ZNF141: variants seen among roughly 807,000 people sequenced by gnomAD.
The protein encoded by ZNF141 is zinc finger protein 141 (clone pHZ-44).
Under a neutral mutation model 11.3 loss-of-function variants are expected in ZNF141, and 7 were observed. The ratio of observed to expected loss-of-function variants is 0.62; its 90% CI spans 0.35 to 1.16. ZNF141 has a LOEUF of 1.16. Among genes scored for constraint, ZNF141 ranks in the 50% most tolerant of loss-of-function variants. ZNF141 has a pLI of 0.02. For missense variants in ZNF141, 535 were observed against 554.0 expected, an observed-to-expected ratio of 0.97 and a Z score of 0.34; for synonymous variants, 183 against 190.7, an observed-to-expected ratio of 0.96 and a Z score of 0.33.
At chr4:361,402 T>TA (rs1560192512) in intron 3 of ZNF141, among the ~76,000 whole-genome samples, 1 of 151,544 alleles carries the variant, frequency 6.6e-6, no homozygotes, top group East Asian at 1.9e-4. Flanking sequence ...TTTTTTTTTT[T>TA]AAGTTCTAGG....
Position 383,458 on chromosome 4 carries a change from G to C in ZNF141, c.*9596G>C, listed in dbSNP as rs1457194089. The C allele has an allele frequency of 6.2e-5, 20 of 324,054 alleles. No individual in the cohort carries two copies. Among genetic ancestry groups the C allele is most frequent in the Non-Finnish European group, 2.8e-5 (5 of 179,506 alleles). 20.1% of individuals were successfully genotyped at this position (324,054 alleles called of 1,614,324 possible). A position where few individuals can be genotyped will look rare whatever the true frequency, so the allele number is the denominator to read the frequency against. On this transcript the variant is annotated 3_prime_UTR_variant, in exon 4 of 4. Coordinates refer to ENST00000240499, the MANE Select transcript of ZNF141 (RefSeq NM_003441.4). The stretch of plus-strand genomic sequence containing the variant: ...GATTTTCTTTTTTCCTTTATTTAAA[G>C]TTAGATTTGTTGTAAGATGATATTG...
At chr4:368,104 T>C (rs1186109664) in intron 3 of ZNF141, among the ~76,000 whole-genome samples, 2 of 152,234 alleles carry the variant, frequency 1.3e-5, no homozygotes, top group Non-Finnish European at 2.9e-5. Context: ...ATATATCTCA[T>C]GTAAGTTGAC....
In ZNF141 at chr4:380,484, T is replaced by G. The variant is rs782755644; in HGVS notation, c.*6622T>G. On this transcript the variant is annotated 3_prime_UTR_variant, in exon 4 of 4. Transcript: ENST00000240499. ...CTGGCCAACATGGTGAAACCCCGTC[T>G]CTACTACAAATATAAAAATTAGCTG... Among the ~76,000 whole-genome samples, 2 of 152,098 alleles carry G rather than the reference T, an allele frequency of 1.3e-5. No individual in the cohort carries two copies. Among genetic ancestry groups the G allele is most frequent in the Middle Eastern group, 6.8e-3 (2 of 294 alleles).
At chr4:356,770 T>C (rs1721859381) in intron 3 of ZNF141, among the ~76,000 whole-genome samples, 2 of 152,214 alleles carry the variant, frequency 1.3e-5, no homozygotes, top group Non-Finnish European at 2.9e-5. Context: ...ATTTTATTCA[T>C]TGTTTACTGA....
chr4:357,156 G>T (rs1448566068), intron 3 of ZNF141, among the ~76,000 whole-genome samples: 2 of 152,030 alleles, frequency 1.3e-5, no homozygotes, highest in African/African-American at 4.8e-5. Context: ...ACGGGGTTTT[G>T]CCATGTTGCT....
intron 3 of ZNF141, among the ~76,000 whole-genome samples, chr4:371,920 A>G (rs1197855950): frequency 2.6e-5 from 4 of 152,216 alleles, no homozygotes; most frequent in Non-Finnish European, 5.9e-5. Context: ...TGTTATTTGT[A>G]CATTAACAAA....
Position 378,727 on chromosome 4 carries a change from T to G in ZNF141, c.*4865T>G, listed in dbSNP as rs1242492312. Among the ~76,000 whole-genome samples the G allele has an allele frequency of 6.6e-6, 1 of 152,080 alleles. No homozygotes were observed. Among genetic ancestry groups the G allele is most frequent in the African/African-American group, 2.4e-5 (1 of 41,400 alleles). The stretch of plus-strand genomic sequence containing the variant: ...GTTTTAGTGGATGCATTTCATGGGC[T>G]ACAGTTTTCATTTTTACTCACCTAA... On this transcript the variant is annotated 3_prime_UTR_variant, in exon 4 of 4. Transcript: ENST00000240499.
chr4:346,858 CATGTATGTATATAT>C (rs1721341911), intron 3 of ZNF141, among the ~76,000 whole-genome samples: 4 of 143,514 alleles, frequency 2.8e-5, no homozygotes, highest in Non-Finnish European at 6.0e-5. Flanking sequence ...TATGTATATA[CATGTATGTATATAT>C]ATGTATACAC....
In ZNF141 at chr4:383,462, G is replaced by T; in HGVS notation, c.*9600G>T. ...TTCTTTTTTCCTTTATTTAAAGTTA[G>T]ATTTGTTGTAAGATGATATTGAGTT... is the stretch of plus-strand genomic sequence containing the variant. On this transcript the variant is annotated 3_prime_UTR_variant, in exon 4 of 4. Coordinates refer to ENST00000240499, the MANE Select transcript of ZNF141 (RefSeq NM_003441.4). 1 of 320,002 alleles carries T rather than the reference G, an allele frequency of 3.1e-6. No homozygotes were observed. The highest frequency in any genetic ancestry group is 5.7e-6 in the Non-Finnish European group (1 of 176,808). 19.8% of individuals were successfully genotyped at this position (320,002 alleles called of 1,614,324 possible).
At chr4:361,754 C>A (rs191379919) in intron 3 of ZNF141, among the ~76,000 whole-genome samples, 1 of 152,266 alleles carries the variant, frequency 6.6e-6, no homozygotes, top group Non-Finnish European at 1.5e-5. Context: ...ATATGTGCCA[C>A]GTTTTCTTAA....
chr4:378,862 T>TTTTTTTG lies in ZNF141; in HGVS notation c.*5000_*5001insTTTTTTG. Among the ~76,000 whole-genome samples, 1 of 122,690 alleles carries TTTTTTTG rather than the reference T, an allele frequency of 8.2e-6. No homozygotes were observed. The highest frequency in any genetic ancestry group is 1.7e-5 in the Non-Finnish European group (1 of 58,080). 80.5% of individuals were successfully genotyped at this position (122,690 alleles called of 152,430 possible). ...TTTTTTTTTTTTTTTTTTTTTTTTT[T>TTTTTTTG]GAGATGGAGTCTTGCTCTGTCACCC... On this transcript the variant is annotated 3_prime_UTR_variant, in exon 4 of 4. Transcript: ENST00000240499.
Position 373,080 on chromosome 4 carries a change from A to G in ZNF141, c.643A>G (p.Asn215Asp), listed in dbSNP as rs1266311171. Residue 215 changes from asparagine (N) to aspartate (D), a missense_variant, in exon 4 of 4, where the codon AAT becomes GAT. Asn to Asp is a conservative substitution (Grantham distance 23). Transcript: ENST00000240499. Reference protein sequence around the residue: ...GKAFKWSLIFNEHKRIHTGEK... With the variant: ...GKAFKWSLIFDEHKRIHTGEK... ...AGCCTTTAAATGGTCTTTAATATTT[A>G]ATGAACATAAGAGAATTCATACTGG... The G allele has an allele frequency of 1.2e-6, 2 of 1,613,718 alleles. No homozygotes were observed. The highest frequency in any genetic ancestry group is 1.3e-5 in the African/African-American group (1 of 74,918).
chr4:361,304 T>A (rs920464831), intron 3 of ZNF141, among the ~76,000 whole-genome samples: 6 of 126,262 alleles, frequency 4.8e-5, no homozygotes, highest in African/African-American at 2.0e-4. Flanking sequence ...TCACTATAAT[T>A]ATATAATGTC....
intron 3 of ZNF141, among the ~76,000 whole-genome samples, chr4:348,324 G>A (rs73217600): frequency 0.14 from 22,024 of 151,972 alleles, 2,198 homozygotes; most frequent in African/African-American, 0.28. Flanking sequence ...TTATTGCCGA[G>A]ACCAATATCA....
chr4:366,696 A>G (rs1489699059), intron 3 of ZNF141, among the ~76,000 whole-genome samples: 1 of 152,044 alleles, frequency 6.6e-6, no homozygotes, highest in Non-Finnish European at 1.5e-5. Flanking sequence ...TTAATTTGGG[A>G]TGGAGTCCTG....
chr4:360,986 G>T lies in ZNF141; in HGVS notation c.227-11678G>T, dbSNP rs539431102. 7.9e-5 allele frequency among the ~76,000 whole-genome samples: 12 copies of T among 152,194 alleles called. 1 individual carries two copies. In the South Asian group the frequency reaches 2.5e-3, roughly 32 times the overall value. ...TAAATTTACCATCTATTTATTGTTT[G>T]ATTATATATTATTCTGTGAGAGAAG... On this transcript the variant is annotated intron_variant, in intron 3 of 3. Coordinates refer to ENST00000240499, the MANE Select transcript of ZNF141 (RefSeq NM_003441.4).
intron 3 of ZNF141, among the ~76,000 whole-genome samples, chr4:363,550 A>T (rs1332768719): frequency 1.3e-5 from 2 of 152,032 alleles, no homozygotes; most frequent in Non-Finnish European, 2.9e-5. Context: ...AGGTCAGGAG[A>T]TGGAGACCAT....
chr4:343,724 CAAAAAAAAAAAA>C (rs35268031), intron 1 of ZNF141, 46 bp from the exon 2 acceptor site: 66 of 875,836 alleles, frequency 7.5e-5, no homozygotes, highest in African/African-American at 1.6e-4. Context: ...GACTCCGTCT[CAAAAAAAAAAAA>C]AAAAAAAAAA....
At chr4:369,762 ATATTTTT>A (rs1218025672) in intron 3 of ZNF141, among the ~76,000 whole-genome samples, 2 of 33,528 alleles carry the variant, frequency 6.0e-5, no homozygotes, top group Admixed American at 3.4e-4. Flanking sequence ...ATATATATAT[ATATTTTT>A]TTTTTTTTTT....
Sources: gnomAD v4.1 joint callset for allele counts (sites outside exome capture counted in the v4.1 genomes callset) on GRCh38, gnomAD v4.1.1 for gene constraint, MANE v1.5 for transcripts, NCBI Gene and HGNC (gene_info 2026-07-23, HGNC 2026-07-21) for gene names.